Variants in EXD1 observed in about 807,000 individuals in gnomAD.
EXD1 encodes exonuclease 3'-5' domain containing 1.
Under a neutral mutation model 49.1 loss-of-function variants are expected in EXD1, and 63 were observed. The ratio of observed to expected loss-of-function variants is 1.28; its 90% CI spans 1.05 to 1.58. The LOEUF (loss-of-function observed/expected upper bound fraction) is 1.58, where lower values mean the gene tolerates loss of function less well. Ranked by LOEUF, EXD1 falls within the 40% of genes most tolerant of loss-of-function variation. EXD1 has a pLI of 0.00. For missense variants in EXD1, 748 were observed against 666.0 expected, an observed-to-expected ratio of 1.12 and a Z score of -1.36; for synonymous variants, 234 against 239.2, an observed-to-expected ratio of 0.98 and a Z score of 0.20.
intron 1 of EXD1, among the ~76,000 whole-genome samples, chr15:41,229,105 T>C (rs957146420): frequency 1.3e-5 from 2 of 152,156 alleles, no homozygotes; most frequent in African/African-American, 4.8e-5. Flanking sequence ...GTGATTTAGC[T>C]CTTAGACGGG....
In EXD1 at chr15:41,209,462, TA is replaced by T. The variant is rs757580546; in HGVS notation, c.534+38del. 3.8e-6 allele frequency: 6 copies of T among 1,578,680 alleles called. No homozygotes were observed. In the African/African-American group the frequency reaches 5.4e-5, roughly 14 times the overall value. On this transcript the variant is annotated intron_variant, in intron 7 of 11. Transcript: ENST00000458580. Reference sequence around the variant, plus strand: ...AGAAAAAAATCTACCAGTGGCTCTATAATTACTTCAAAATAAAAAGTTTTCA... The same window carrying T: ...AGAAAAAAATCTACCAGTGGCTCTATATTACTTCAAAATAAAAAGTTTTCA...
chr15:41,213,462 G>A (rs2046953109), intron 6 of EXD1, among the ~76,000 whole-genome samples: 1 of 151,310 alleles, frequency 6.6e-6, no homozygotes, highest in Non-Finnish European at 1.5e-5. Flanking sequence ...GCCTCGCAAA[G>A]TGCTGGGATT....
chr15:41,219,782 G>A (rs1203143277), intron 3 of EXD1, 48 bp downstream of exon 3: 5 of 1,387,694 alleles, frequency 3.6e-6, no homozygotes, highest in Admixed American at 2.1e-5. Context: ...TTCAAATATT[G>A]GAATGAAATC....
intron 11 of EXD1, among the ~76,000 whole-genome samples, chr15:41,186,470 C>CAA (rs58793050): frequency 0.018 from 1,194 of 68,216 alleles, 43 homozygotes; most frequent in African/African-American, 0.059. Context: ...GACTCTGTCT[C>CAA]AAAAAAAAAA....
chr15:41,192,594 ATTTTTTTTTTTTTTTTTTTT>A (rs59054803), intron 9 of EXD1, among the ~76,000 whole-genome samples: 13 of 40,878 alleles, frequency 3.2e-4, no homozygotes, highest in African/African-American at 5.9e-4. Context: ...TGCGCCAGGC[ATTTTTTTTTTTTTTTTTTTT>A]TTTTTTTTTT....
At chr15:41,199,418 T>C (rs754865208) in intron 7 of EXD1, among the ~76,000 whole-genome samples, 1 of 147,128 alleles carries the variant, frequency 6.8e-6, no homozygotes, top group Non-Finnish European at 1.5e-5. Flanking sequence ...TTTTTAAGAG[T>C]CTTTCAAAAA....
chr15:41,226,135 C>T lies in EXD1; in HGVS notation c.133+308G>A, dbSNP rs187290380. ...GGAGTGGTGGCGGGTGTCTGTAGTCCCAGCTACTCGGGAGGCTGAGGCAGG... is the reference window on the plus strand; with the variant it reads ...GGAGTGGTGGCGGGTGTCTGTAGTCTCAGCTACTCGGGAGGCTGAGGCAGG... On this transcript the variant is annotated intron_variant, in intron 2 of 11. Coordinates refer to ENST00000458580, the MANE Select transcript of EXD1 (RefSeq NM_001286441.2). Among the ~76,000 whole-genome samples, 152 of 151,522 alleles carry T rather than the reference C, an allele frequency of 1.0e-3. 2 individuals are homozygous for T. The highest frequency in any genetic ancestry group is 3.3e-3 in the African/African-American group (138 of 41,282).
chr15:41,185,816 C>T (rs1425316252), intron 11 of EXD1, among the ~76,000 whole-genome samples: 1 of 152,110 alleles, frequency 6.6e-6, no homozygotes, highest in South Asian at 2.1e-4. Flanking sequence ...CCACCACACC[C>T]GGCATCCGAT....
chr15:41,207,277 C>T (rs1272970319), intron 7 of EXD1, among the ~76,000 whole-genome samples: 2 of 150,290 alleles, frequency 1.3e-5, no homozygotes, highest in African/African-American at 2.5e-5. Context: ...TGTGGTGGCT[C>T]ATGCCTGTAA....
Position 41,229,644 on chromosome 15 carries a change from T to C in EXD1, c.-54+835A>G, listed in dbSNP as rs372406948. Among the ~76,000 whole-genome samples, 17 of 152,244 alleles carry C rather than the reference T, an allele frequency of 1.1e-4. No individual in the cohort carries two copies. In the South Asian group the frequency reaches 3.5e-3, roughly 32 times the overall value. On this transcript the variant is annotated intron_variant, in intron 1 of 11. Coordinates refer to ENST00000458580, the MANE Select transcript of EXD1 (RefSeq NM_001286441.2). ...TTAGCTGGACACGGTGGCGCATGCC[T>C]GTAACCCCAGCTACTAGGGAGTCTG...
chr15:41,205,400 T>G (rs1227389801), intron 7 of EXD1, among the ~76,000 whole-genome samples: 1 of 151,794 alleles, frequency 6.6e-6, no homozygotes, highest in East Asian at 1.9e-4. Flanking sequence ...AAACCATGCT[T>G]GGCCCTAGCC....
At chr15:41,205,122 G>A (rs1595442587) in intron 7 of EXD1, among the ~76,000 whole-genome samples, 1 of 152,106 alleles carries the variant, frequency 6.6e-6, no homozygotes, top group Non-Finnish European at 1.5e-5. Flanking sequence ...TCATGTACGC[G>A]TTAAATTTGT....
Position 41,190,111 on chromosome 15 carries a change from C to A in EXD1, c.882G>T (p.Trp294Cys). 6.2e-7 allele frequency: 1 copy of A among 1,614,102 alleles called. No individual in the cohort carries two copies. The highest frequency in any genetic ancestry group is 8.5e-7 in the Non-Finnish European group (1 of 1,180,018). ...QKLIQENPEV[W>C]FIRPVSPSLL... is the part of the protein sequence containing the mutation. The stretch of plus-strand genomic sequence containing the variant: ...AAGAGGGTGAAACAGGTCGGATGAA[C>A]CATACTTCTGGATTTTCCTGGAGAC... The change falls in exon 11 of 12, where the codon TGG becomes TGT. Residue 294 changes from tryptophan (W) to cysteine (C), a missense_variant. Transcript: ENST00000458580.
At chr15:41,192,574 C>A in intron 9 of EXD1, among the ~76,000 whole-genome samples, 1 of 131,702 alleles carries the variant, frequency 7.6e-6, no homozygotes, top group African/African-American at 2.9e-5. Flanking sequence ...GGATTACAGG[C>A]GTGAACCACT....
intron 1 of EXD1, among the ~76,000 whole-genome samples, chr15:41,228,285 T>C (rs1263128017): frequency 2.0e-5 from 3 of 152,268 alleles, no homozygotes; most frequent in Admixed American, 6.5e-5. Flanking sequence ...ATGAAATAAC[T>C]AGAGCCTAAG....
intron 5 of EXD1, 107 bp downstream of exon 5, chr15:41,216,561 G>T: frequency 2.6e-6 from 3 of 1,133,822 alleles, no homozygotes; most frequent in Non-Finnish European, 3.7e-6. Context: ...AATCCAGGAG[G>T]TGGAGGTTGC....
In EXD1 at chr15:41,189,937, C is replaced by T. The variant is rs1367393229; in HGVS notation, c.1056G>A (p.Glu352=). 9.3e-6 allele frequency: 15 copies of T among 1,613,644 alleles called. No homozygotes were observed. The highest frequency in any genetic ancestry group is 1.3e-5 in the Non-Finnish European group (15 of 1,179,720). ...EGSADRLGGT[E]PTCMELPEEL... ...CCTGAAGACAGAGAGCTGCACCTAC[C>T]TCAGTGCCTCCAAGCCGGTCTGCAG... The change falls in exon 11 of 12, where the codon GAG becomes GAA. Residue 352 remains glutamate, a splice_region_variant and synonymous_variant. Coordinates refer to ENST00000458580, the MANE Select transcript of EXD1 (RefSeq NM_001286441.2).
chr15:41,217,020 T>G (rs2047010009), intron 4 of EXD1, 77 bp downstream of exon 4: 1 of 1,381,012 alleles, frequency 7.2e-7, no homozygotes, highest in Admixed American at 1.9e-5. Flanking sequence ...AAGCAGCTGG[T>G]GAATTAGAGT....
chr15:41,211,795 T>TA (rs57945609), intron 6 of EXD1, among the ~76,000 whole-genome samples: 1,773 of 119,612 alleles, frequency 0.015, 32 homozygotes, highest in South Asian at 0.033. Context: ...CCTCATTTCT[T>TA]AAAAAAAAAA....
Sources: allele counts gnomAD v4.1 joint callset (sites outside exome capture counted in the v4.1 genomes callset), GRCh38; gene constraint gnomAD v4.1.1; transcripts MANE v1.5; gene names NCBI Gene and HGNC (gene_info 2026-07-23, HGNC 2026-07-21).